Variants in ITGA8 observed in about 807,000 individuals in gnomAD.
ITGA8 encodes integrin alpha-8.
Under a neutral mutation model 142.3 loss-of-function variants are expected in ITGA8, and 91 were observed. The observed-to-expected ratio is 0.64, with a 90% CI of 0.54 to 0.76. ITGA8 has a LOEUF of 0.76. Among genes scored for constraint, ITGA8 ranks in the 30% least tolerant of loss-of-function variants. The pLI, the probability that ITGA8 is intolerant of heterozygous loss-of-function variation, is 0.00. For missense variants in ITGA8, 1,406 were observed against 1,327.7 expected (o/e 1.06, Z -0.92); for synonymous variants, 505 against 485.2 (o/e 1.04, Z -0.54).
intron 2 of ITGA8, among the ~76,000 whole-genome samples, chr10:15,692,273 AATTTTCATATAGAGGGGG>A (rs1198333070): frequency 6.6e-6 from 1 of 152,156 alleles, no homozygotes; most frequent in African/African-American, 2.4e-5. Flanking sequence ...CTTGAGCACC[AATTTTCATATAGAGGGGG>A]ATTTCTCTTT....
At chr10:15,578,795 T>G (rs146203710) in intron 23 of ITGA8, among the ~76,000 whole-genome samples, 393 of 152,198 alleles carry the variant, frequency 2.6e-3, no homozygotes, top group African/African-American at 9.0e-3. Flanking sequence ...ATCTTACCAC[T>G]CTTCATGGAC....
chr10:15,638,256 ATTTT>A (rs1833808069), intron 13 of ITGA8, among the ~76,000 whole-genome samples: 1 of 152,226 alleles, frequency 6.6e-6, no homozygotes, highest in East Asian at 1.9e-4. Flanking sequence ...GTGTTAATTT[ATTTT>A]GAGTCAGTTT....
chr10:15,517,051 G>T lies in ITGA8; in HGVS notation c.*107C>A. On this transcript the variant is annotated 3_prime_UTR_variant, in exon 30 of 30. Transcript: ENST00000378076. The stretch of plus-strand genomic sequence containing the variant: ...GTTTCCAGGGTCCCCTCCATTTCCT[G>T]GGTCACTGTCAGGTATCAGAAAGCT... 7 of 701,082 alleles carry T rather than the reference G, an allele frequency of 1.0e-5. No individual in the cohort carries two copies. Among genetic ancestry groups the T allele is most frequent in the South Asian group, 4.1e-5 (2 of 49,368 alleles). The allele number at this position is 701,082 out of a possible 1,614,324, so 43.4% of individuals were successfully genotyped here. A position where few individuals can be genotyped will look rare whatever the true frequency, so the allele number is the denominator to read the frequency against.
At chr10:15,665,148 C>T (rs1334577086) in intron 8 of ITGA8, among the ~76,000 whole-genome samples, 4 of 152,180 alleles carry the variant, frequency 2.6e-5, no homozygotes, top group Non-Finnish European at 5.9e-5. Context: ...TGAAAGTGTT[C>T]CTATTTCTCC....
At chr10:15,578,281 A>G (rs934803688) in intron 23 of ITGA8, among the ~76,000 whole-genome samples, 15 of 152,096 alleles carry the variant, frequency 9.9e-5, no homozygotes, top group African/African-American at 3.4e-4. Flanking sequence ...ACAGGATGCA[A>G]TCTTTTGGGA....
intron 14 of ITGA8, among the ~76,000 whole-genome samples, chr10:15,615,659 G>C (rs775347684): frequency 4.6e-5 from 7 of 152,070 alleles, no homozygotes; most frequent in Admixed American, 4.6e-4. Context: ...GATTACAGGC[G>C]TGTACCACCA....
chr10:15,631,276 T>C (rs1833680481), intron 13 of ITGA8, among the ~76,000 whole-genome samples: 3 of 152,018 alleles, frequency 2.0e-5, no homozygotes, highest in Non-Finnish European at 4.4e-5. Flanking sequence ...CATATGTTTA[T>C]TGCAGCACTA....
intron 23 of ITGA8, among the ~76,000 whole-genome samples, chr10:15,583,194 T>C (rs1447474356): frequency 1.3e-5 from 2 of 152,194 alleles, no homozygotes; most frequent in South Asian, 2.1e-4. Context: ...TAAAAAAGGA[T>C]GAGTTCATGT....
At chr10:15,716,014 C>G (rs1451062039) in intron 2 of ITGA8, among the ~76,000 whole-genome samples, 2 of 152,226 alleles carry the variant, frequency 1.3e-5, no homozygotes, top group Admixed American at 1.3e-4. Context: ...ATAGTACCCC[C>G]TGATGGCCGA....
At chr10:15,652,071 G>A (rs1041961384) in intron 11 of ITGA8, among the ~76,000 whole-genome samples, 1 of 152,148 alleles carries the variant, frequency 6.6e-6, no homozygotes, top group Admixed American at 6.5e-5. Context: ...CAATTTTTAA[G>A]AACTTCAAGA....
chr10:15,697,244 T>C (rs1204659095), intron 2 of ITGA8, among the ~76,000 whole-genome samples: 2 of 152,244 alleles, frequency 1.3e-5, no homozygotes, highest in Non-Finnish European at 2.9e-5. Context: ...ACAATACATG[T>C]ATTTTTAGCT....
intron 25 of ITGA8, among the ~76,000 whole-genome samples, chr10:15,560,183 G>A (rs1218317061): frequency 6.6e-6 from 1 of 152,100 alleles, no homozygotes; most frequent in Non-Finnish European, 1.5e-5. Context: ...GGAGGCTGAA[G>A]CAGGAGGATC....
At chr10:15,569,696 G>A (rs546563109) in intron 25 of ITGA8, among the ~76,000 whole-genome samples, 2 of 152,240 alleles carry the variant, frequency 1.3e-5, no homozygotes, top group African/African-American at 4.8e-5. Flanking sequence ...TACAAACATC[G>A]CTGTGCCTGG....
chr10:15,699,026 C>T (rs1029825346), intron 2 of ITGA8, among the ~76,000 whole-genome samples: 1 of 152,184 alleles, frequency 6.6e-6, no homozygotes, highest in Non-Finnish European at 1.5e-5. Context: ...TGGCTCATGC[C>T]TGTAATCCCA....
chr10:15,613,402 G>C (rs1833335395), intron 15 of ITGA8, among the ~76,000 whole-genome samples: 1 of 152,122 alleles, frequency 6.6e-6, no homozygotes, highest in Non-Finnish European at 1.5e-5. Context: ...AGAGCCTATA[G>C]ATTAGAGAAG....
Position 15,572,329 on chromosome 10 carries a change from AG to A in ITGA8, c.2518del (p.Leu840TrpfsTer39). ...IGPSTISDTI[L>X]EVGWPFSARD... Reference sequence around the variant, plus strand: ...GGCAGAGAAAGGCCAGCCCACCTCCAGGATGGTGTCACTGATGGTACTTGGT... The same window carrying A: ...GGCAGAGAAAGGCCAGCCCACCTCCAGATGGTGTCACTGATGGTACTTGGT... On this transcript the variant is annotated frameshift_variant, in exon 25 of 30. Transcript: ENST00000378076. LOFTEE classifies it high-confidence loss of function. 6.2e-7 allele frequency: 1 copy of A among 1,614,158 alleles called. No homozygotes were observed. Among genetic ancestry groups the A allele is most frequent in the South Asian group, 1.1e-5 (1 of 91,082 alleles).
chr10:15,670,053 C>T (rs1451096840), intron 8 of ITGA8, among the ~76,000 whole-genome samples: 1 of 152,172 alleles, frequency 6.6e-6, no homozygotes, highest in Non-Finnish European at 1.5e-5. Context: ...GTTGGAAATG[C>T]AGAAATCACC....
chr10:15,591,357 A>G (rs2131595914), intron 22 of ITGA8, among the ~76,000 whole-genome samples: 1 of 150,316 alleles, frequency 6.7e-6, no homozygotes, highest in African/African-American at 2.4e-5. Context: ...ACATCTTACT[A>G]CACATATTTA....
At chr10:15,585,317 C>T (rs1832806746) in intron 23 of ITGA8, among the ~76,000 whole-genome samples, 1 of 152,126 alleles carries the variant, frequency 6.6e-6, no homozygotes. Flanking sequence ...CTCCTTGTGC[C>T]GCAATTCCCT....
Sources: allele counts gnomAD v4.1 joint callset (sites outside exome capture counted in the v4.1 genomes callset), GRCh38; gene constraint gnomAD v4.1.1; transcripts MANE v1.5; gene names NCBI Gene and HGNC (gene_info 2026-07-23, HGNC 2026-07-21).